The following FMN1 variants were observed in gnomAD, a reference collection of about 807,000 sequenced individuals.
FMN1 encodes formin-1.
Under a neutral mutation model 132.4 loss-of-function variants are expected in FMN1, and 110 were observed. The observed-to-expected ratio is 0.83, with a 90% CI of 0.71 to 0.97. FMN1 has a LOEUF of 0.97. FMN1 is among the 50% of genes least tolerant of loss of function. FMN1 has a pLI of 0.00. For synonymous variants in FMN1, 722 were observed against 651.7 expected, an observed-to-expected ratio of 1.11 and a Z score of -1.64; for missense variants, 1,792 against 1,705.3, an observed-to-expected ratio of 1.05 and a Z score of -0.90.
At chr15:33,149,189 T>C (rs989008507) in intron 4 of FMN1, among the ~76,000 whole-genome samples, 1 of 152,136 alleles carries the variant, frequency 6.6e-6, no homozygotes, top group African/African-American at 2.4e-5. Flanking sequence ...TGACCCTCAA[T>C]AAGGAATGTT....
At chr15:32,781,137 T>A (rs2056649682) in intron 19 of FMN1, among the ~76,000 whole-genome samples, 1 of 152,134 alleles carries the variant, frequency 6.6e-6, no homozygotes, top group South Asian at 2.1e-4. Flanking sequence ...GGAATATGGG[T>A]GTGATATGCT....
intron 7 of FMN1, among the ~76,000 whole-genome samples, chr15:32,994,647 A>T (rs1302303853): frequency 6.6e-6 from 1 of 152,214 alleles, no homozygotes; most frequent in African/African-American, 2.4e-5. Context: ...CACCTAGCAC[A>T]GTGCCTGGCA....
intron 19 of FMN1, among the ~76,000 whole-genome samples, chr15:32,782,519 G>C (rs945247471): frequency 1.3e-5 from 2 of 152,198 alleles, no homozygotes; most frequent in Admixed American, 6.5e-5. Flanking sequence ...CTTATGTATA[G>C]ATTCCAAGAT....
intron 7 of FMN1, among the ~76,000 whole-genome samples, chr15:32,987,668 A>C (rs2140828484): frequency 6.6e-6 from 1 of 152,280 alleles, no homozygotes; most frequent in East Asian, 1.9e-4. Context: ...GCAGTTGCCA[A>C]GTATAAAAAC....
intron 9 of FMN1, among the ~76,000 whole-genome samples, chr15:32,963,208 T>A (rs969427073): frequency 6.6e-6 from 1 of 151,216 alleles, no homozygotes; most frequent in Non-Finnish European, 1.5e-5. Flanking sequence ...ATGGATGAAA[T>A]TGGAAATCAT....
At chr15:33,179,599 A>G (rs1333633514) in intron 3 of FMN1, among the ~76,000 whole-genome samples, 1 of 152,150 alleles carries the variant, frequency 6.6e-6, no homozygotes, top group Non-Finnish European at 1.5e-5. Flanking sequence ...CATCTGCCAC[A>G]TTATATTTCT....
At chr15:33,047,089 T>C (rs2036722084) in intron 6 of FMN1, among the ~76,000 whole-genome samples, 1 of 152,218 alleles carries the variant, frequency 6.6e-6, no homozygotes, top group Non-Finnish European at 1.5e-5. Flanking sequence ...CAGTATTTTC[T>C]TTTGGTCTCT....
chr15:32,945,299 T>G (rs1395312860), intron 9 of FMN1, among the ~76,000 whole-genome samples: 1 of 152,166 alleles, frequency 6.6e-6, no homozygotes, highest in Non-Finnish European at 1.5e-5. Flanking sequence ...AATATCAATC[T>G]CCACGGAGTC....
chr15:33,180,110 G>A (rs1040063412), intron 3 of FMN1, 88 bp downstream of exon 3: 1 of 152,242 alleles, frequency 6.6e-6, no homozygotes, highest in Non-Finnish European at 1.5e-5. Flanking sequence ...AGAACCCTGT[G>A]GGTGAAAACA....
chr15:32,890,867 T>C (rs1392932706), intron 15 of FMN1, among the ~76,000 whole-genome samples: 2 of 152,224 alleles, frequency 1.3e-5, no homozygotes, highest in Non-Finnish European at 2.9e-5. Flanking sequence ...ATTTTTATAG[T>C]TTGAAGTCTT....
intron 10 of FMN1, among the ~76,000 whole-genome samples, chr15:32,921,698 T>TA (rs1260800657): frequency 6.9e-6 from 1 of 144,998 alleles, no homozygotes; most frequent in Non-Finnish European, 1.5e-5. Flanking sequence ...TTTTTCGAGA[T>TA]AAGAGTCTTG....
intron 4 of FMN1, among the ~76,000 whole-genome samples, chr15:33,099,219 AG>A (rs2039200421): frequency 6.6e-6 from 1 of 152,180 alleles, no homozygotes; most frequent in African/African-American, 2.4e-5. Context: ...TGAGCCTGGA[AG>A]GTTGAGGCTG....
chr15:32,778,794 T>C (rs537741004), intron 19 of FMN1, among the ~76,000 whole-genome samples: 150 of 152,282 alleles, frequency 9.9e-4, no homozygotes, highest in African/African-American at 3.5e-3. Context: ...GACCCAGCAA[T>C]TCTACTGCTA....
intron 4 of FMN1, among the ~76,000 whole-genome samples, chr15:33,152,748 G>T (rs1209113386): frequency 8.4e-6 from 1 of 118,392 alleles, no homozygotes. Context: ...TCCTTTGAGA[G>T]TCACTGTTAC....
At chr15:32,815,178 G>A (rs574987609) in intron 17 of FMN1, among the ~76,000 whole-genome samples, 14 of 152,136 alleles carry the variant, frequency 9.2e-5, no homozygotes, top group Admixed American at 5.9e-4. Context: ...TCCTGACCTC[G>A]TGATCTGCCC....
chr15:33,000,100 A>G (rs1331392093), intron 7 of FMN1, among the ~76,000 whole-genome samples: 2 of 152,188 alleles, frequency 1.3e-5, no homozygotes, highest in Non-Finnish European at 1.5e-5. Context: ...AAGTAGATGG[A>G]CTAGAGACCT....
chr15:32,806,128 T>C (rs2057672307), intron 17 of FMN1, among the ~76,000 whole-genome samples: 1 of 152,208 alleles, frequency 6.6e-6, no homozygotes, highest in African/African-American at 2.4e-5. Context: ...TAACATGTTA[T>C]TATGTAACAT....
chr15:32,918,106 TTAA>T (rs1274765621), intron 10 of FMN1, among the ~76,000 whole-genome samples: 1 of 149,620 alleles, frequency 6.7e-6, no homozygotes, highest in Non-Finnish European at 1.5e-5. Context: ...CAGAATTTCT[TTAA>T]AAAAAAAAGA....
chr15:33,097,815 G>C (rs898937839), intron 4 of FMN1, among the ~76,000 whole-genome samples: 2 of 152,136 alleles, frequency 1.3e-5, no homozygotes, highest in Non-Finnish European at 2.9e-5. Context: ...CACATATTTG[G>C]AGATGTCAAT....
Sources: allele counts gnomAD v4.1 joint callset (sites outside exome capture counted in the v4.1 genomes callset), GRCh38; gene constraint gnomAD v4.1.1; transcripts MANE v1.5; gene names NCBI Gene and HGNC (gene_info 2026-07-23, HGNC 2026-07-21).